MAPKAP1: variants seen among roughly 807,000 people sequenced by gnomAD.
MAPKAP1 encodes the protein MAPK associated protein 1.
Under a neutral mutation model 65.7 loss-of-function variants are expected in MAPKAP1, and 20 were observed. The ratio of observed to expected loss-of-function variants is 0.30; its 90% CI spans 0.21 to 0.44. The LOEUF (loss-of-function observed/expected upper bound fraction) is 0.44, where lower values mean the gene tolerates loss of function less well. Ranked by LOEUF, MAPKAP1 falls within the 20% of genes least tolerant of loss-of-function variation. The pLI, the probability that MAPKAP1 is intolerant of heterozygous loss-of-function variation, is 1.00. For synonymous variants in MAPKAP1, 222 were observed against 244.3 expected (o/e 0.91, Z 0.85); for missense variants, 423 against 648.0 (o/e 0.65, Z 3.77).
intron 7 of MAPKAP1, among the ~76,000 whole-genome samples, chr9:125,518,390 C>T (rs142066178): frequency 3.4e-5 from 5 of 147,726 alleles, no homozygotes; most frequent in African/African-American, 1.0e-4. Flanking sequence ...TGTAATCCCA[C>T]ATTACATCTG....
chr9:125,468,176 A>G, intron 9 of MAPKAP1, 67 bp from the exon 10 acceptor site: 1 of 1,533,052 alleles, frequency 6.5e-7, no homozygotes, highest in South Asian at 1.2e-5. Context: ...TTTCAGGGAA[A>G]TCATTTGACC....
intron 1 of MAPKAP1, among the ~76,000 whole-genome samples, chr9:125,679,736 G>C (rs1478469337): frequency 6.6e-6 from 1 of 152,174 alleles, no homozygotes; most frequent in African/African-American, 2.4e-5. Flanking sequence ...CTAAGGACCT[G>C]AGATAGGCAA....
At chr9:125,452,579 A>ATCCT (rs745695068) in intron 10 of MAPKAP1, among the ~76,000 whole-genome samples, 2 of 152,196 alleles carry the variant, frequency 1.3e-5, no homozygotes, top group African/African-American at 2.4e-5. Flanking sequence ...ACTATTGAGG[A>ATCCT]GTCCAAAAAG....
chr9:125,609,106 T>C (rs1207655451), intron 4 of MAPKAP1, among the ~76,000 whole-genome samples: 1 of 152,252 alleles, frequency 6.6e-6, no homozygotes, highest in East Asian at 1.9e-4. Context: ...TATATATTTT[T>C]AAATTCCTGT....
rs528058778 is a variant in MAPKAP1, at chr9:125,637,668, T to C, written c.498+19983A>G. On this transcript the variant is annotated intron_variant, in intron 4 of 11. Transcript: ENST00000265960. ...TTCTCCTCTCTGTTTCTTAGTTTCC[T>C]CATTTAGAAAACAAGAATAAAAAAA... Among the ~76,000 whole-genome samples, 227 of 152,322 alleles carry C rather than the reference T, an allele frequency of 1.5e-3. 2 individuals carry two copies. Among genetic ancestry groups the C allele is most frequent in the South Asian group, 4.6e-3 (22 of 4,830 alleles).
At position 125,596,501 on chromosome 9, in the gene MAPKAP1, G is replaced by C. The variant is rs149196456; in HGVS notation, c.499-10774C>G. 2.7e-5 allele frequency: 20 copies of C among 738,246 alleles called. No individual in the cohort carries two copies. The East Asian group carries it at 5.0e-4, about 18-fold the overall frequency. 45.7% of individuals were successfully genotyped at this position (738,246 alleles called of 1,614,324 possible). A position where few individuals can be genotyped will look rare whatever the true frequency, so the allele number is the denominator to read the frequency against. On this transcript the variant is annotated intron_variant, in intron 4 of 11. Transcript: ENST00000265960. ...TCAAATTTTGAACCCATGATGAAAG[G>C]AAACTTTGGAGGCAGAAGCTCTGGC... is the stretch of plus-strand genomic sequence containing the variant.
chr9:125,601,339 C>T (rs1210684002), intron 4 of MAPKAP1, among the ~76,000 whole-genome samples: 1 of 149,628 alleles, frequency 6.7e-6, no homozygotes, highest in South Asian at 2.2e-4. Flanking sequence ...TCATTTCTTG[C>T]AGGGTTTCAG....
At chr9:125,460,989 C>T (rs1352131496) in intron 10 of MAPKAP1, among the ~76,000 whole-genome samples, 2 of 152,212 alleles carry the variant, frequency 1.3e-5, no homozygotes, top group African/African-American at 4.8e-5. Flanking sequence ...CAGATGTCAG[C>T]TCATGATGAC....
At chr9:125,584,041 C>A (rs771130342) in intron 5 of MAPKAP1, among the ~76,000 whole-genome samples, 3 of 150,372 alleles carry the variant, frequency 2.0e-5, no homozygotes, top group Admixed American at 2.0e-4. Context: ...CCAGCCTGGG[C>A]GACAGAGCAA....
intron 5 of MAPKAP1, among the ~76,000 whole-genome samples, chr9:125,562,986 C>T (rs1375057181): frequency 6.6e-6 from 1 of 152,120 alleles, no homozygotes; most frequent in Non-Finnish European, 1.5e-5. Context: ...ATATGACACA[C>T]TTTGATGAGA....
intron 8 of MAPKAP1, among the ~76,000 whole-genome samples, chr9:125,495,332 G>C (rs117239544): frequency 0.027 from 4,111 of 152,232 alleles, 82 homozygotes; most frequent in Non-Finnish European, 0.044. Context: ...CCATTAGTCA[G>C]GACCTTCAGG....
chr9:125,452,570 C>G (rs745682587), intron 10 of MAPKAP1, among the ~76,000 whole-genome samples: 1 of 152,182 alleles, frequency 6.6e-6, no homozygotes, highest in Non-Finnish European at 1.5e-5. Context: ...CTCTTAAACA[C>G]TATTGAGGAG....
chr9:125,579,079 A>G (rs1246973447), intron 5 of MAPKAP1, among the ~76,000 whole-genome samples: 1 of 152,206 alleles, frequency 6.6e-6, no homozygotes, highest in Non-Finnish European at 1.5e-5. Flanking sequence ...AGAGATTGAA[A>G]TTATTTCAGT....
chr9:125,564,132 A>G (rs547727386), intron 5 of MAPKAP1, among the ~76,000 whole-genome samples: 1 of 152,368 alleles, frequency 6.6e-6, no homozygotes, highest in South Asian at 2.1e-4. Context: ...TAGGCAATGC[A>G]CATGTGTCAA....
At chr9:125,512,460 C>CTA (rs1829329266) in intron 7 of MAPKAP1, among the ~76,000 whole-genome samples, 1 of 152,224 alleles carries the variant, frequency 6.6e-6, no homozygotes, top group Non-Finnish European at 1.5e-5. Context: ...GTTCGTGTGA[C>CTA]TATGATGACC....
intron 10 of MAPKAP1, among the ~76,000 whole-genome samples, chr9:125,456,980 C>G (rs936004238): frequency 4.0e-5 from 6 of 148,546 alleles, no homozygotes; most frequent in Non-Finnish European, 8.9e-5. Context: ...AATCTGCTCC[C>G]ATTTAGTGAA....
At chr9:125,682,000 G>A (rs1433195337) in intron 1 of MAPKAP1, among the ~76,000 whole-genome samples, 2 of 152,142 alleles carry the variant, frequency 1.3e-5, no homozygotes, top group African/African-American at 2.4e-5. Flanking sequence ...GGGCTCAAGC[G>A]ATACTCCCAC....
intron 5 of MAPKAP1, among the ~76,000 whole-genome samples, chr9:125,575,932 T>C (rs1003903321): frequency 1.3e-5 from 2 of 152,214 alleles, no homozygotes; most frequent in South Asian, 2.1e-4. Flanking sequence ...TCCCAAAAAT[T>C]AGAAGCAACC....
At chr9:125,682,667 G>C (rs1240121324) in intron 1 of MAPKAP1, among the ~76,000 whole-genome samples, 2 of 152,178 alleles carry the variant, frequency 1.3e-5, no homozygotes, top group Non-Finnish European at 2.9e-5. Context: ...TTTACTTTAA[G>C]ATCTTGGGTC....
Sources: allele counts gnomAD v4.1 joint callset (sites outside exome capture counted in the v4.1 genomes callset), GRCh38; gene constraint gnomAD v4.1.1; transcripts MANE v1.5; gene names NCBI Gene and HGNC (gene_info 2026-07-23, HGNC 2026-07-21).